The following RORA variants were observed in gnomAD, a reference collection of about 807,000 sequenced individuals.
The protein encoded by RORA is nuclear receptor ROR-alpha.
In RORA, 7 loss-of-function variants were observed where a neutral mutation model predicts 69.5. The ratio of observed to expected loss-of-function variants is 0.10; its 90% CI spans 0.06 to 0.19. The LOEUF is 0.19. RORA is among the 10% of genes least tolerant of loss of function. The pLI is 1.00. For synonymous variants in RORA, 261 were observed against 240.8 expected, an observed-to-expected ratio of 1.08 and a Z score of -0.78; for missense variants, 457 against 663.0, an observed-to-expected ratio of 0.69 and a Z score of 3.41.
At chr15:60,625,906 A>G (rs760872261) in intron 2 of RORA, among the ~76,000 whole-genome samples, 1 of 152,220 alleles carries the variant, frequency 6.6e-6, no homozygotes, top group Non-Finnish European at 1.5e-5. Flanking sequence ...AAAACAAAAT[A>G]ATGCTAATGG....
chr15:60,660,502 G>A (rs2070287870), intron 2 of RORA, among the ~76,000 whole-genome samples: 3 of 152,186 alleles, frequency 2.0e-5, no homozygotes, highest in Non-Finnish European at 4.4e-5. Context: ...AGCACAGATA[G>A]TATTTTCAGT....
At chr15:60,769,006 GAAACTTCGGTCAACATCCTAATCAGGC>G (rs1413148656) in intron 1 of RORA, among the ~76,000 whole-genome samples, 1 of 152,156 alleles carries the variant, frequency 6.6e-6, no homozygotes, top group African/African-American at 2.4e-5. Flanking sequence ...CACAGCTTGT[GAAACTTCGGTCAACATCCTAATCAGGC>G]AACTAATGCC....
intron 1 of RORA, among the ~76,000 whole-genome samples, chr15:60,826,617 A>C (rs752084457): frequency 2.3e-4 from 35 of 151,926 alleles, no homozygotes; most frequent in Non-Finnish European, 4.7e-4. Context: ...CTCATTTGAC[A>C]AAAGTGCCAA....
intron 1 of RORA, among the ~76,000 whole-genome samples, chr15:60,939,446 G>T (rs955449274): frequency 6.6e-6 from 1 of 152,174 alleles, no homozygotes; most frequent in Non-Finnish European, 1.5e-5. Context: ...GGACGCACGT[G>T]CTCACTTGCA....
chr15:60,725,978 G>A (rs556436401), intron 1 of RORA, among the ~76,000 whole-genome samples: 2 of 152,144 alleles, frequency 1.3e-5, no homozygotes, highest in East Asian at 1.9e-4. Context: ...GTGGTTTGGG[G>A]GGCACACAAC....
At chr15:60,922,826 C>G (rs146625645) in intron 1 of RORA, among the ~76,000 whole-genome samples, 1 of 152,180 alleles carries the variant, frequency 6.6e-6, no homozygotes, top group Non-Finnish European at 1.5e-5. Context: ...TGGTTGCTGT[C>G]ACTGTCAAAA....
intron 1 of RORA, among the ~76,000 whole-genome samples, chr15:60,830,009 A>G (rs1417203179): frequency 6.6e-6 from 1 of 152,226 alleles, no homozygotes; most frequent in Non-Finnish European, 1.5e-5. Context: ...TAAATGAACA[A>G]ACAACTTTAA....
At chr15:60,732,327 G>T (rs916825489) in intron 1 of RORA, among the ~76,000 whole-genome samples, 5 of 152,200 alleles carry the variant, frequency 3.3e-5, no homozygotes, top group Admixed American at 3.3e-4. Context: ...AAAGGTAGGT[G>T]CGGGTGAGCC....
At chr15:61,133,402 C>T (rs561365169) in intron 1 of RORA, among the ~76,000 whole-genome samples, 42 of 152,206 alleles carry the variant, frequency 2.8e-4, no homozygotes, top group Admixed American at 3.9e-4. Flanking sequence ...TTACCCTTTC[C>T]GCAAGGTTAC....
chr15:60,995,903 T>C lies in RORA; in HGVS notation c.166+233150A>G, dbSNP rs117363776. 4.2e-3 allele frequency among the ~76,000 whole-genome samples: 645 copies of C among 152,348 alleles called. 3 individuals are homozygous for C. Among genetic ancestry groups the C allele is most frequent in the Admixed American group, 5.0e-3 (77 of 15,308 alleles). The stretch of plus-strand genomic sequence containing the variant: ...GTCAAGTTCAAGGGGAAAATCGTTT[T>C]CTTGCAGGTAGCTGTGAAAGTTCCT... On this transcript the variant is annotated intron_variant, in intron 1 of 10. Transcript: ENST00000335670.
chr15:61,084,383 C>A (rs985700004), intron 1 of RORA, among the ~76,000 whole-genome samples: 8 of 152,114 alleles, frequency 5.3e-5, no homozygotes, highest in African/African-American at 1.9e-4. Context: ...AATTGCATAC[C>A]CTCTCTAGGA....
At chr15:60,806,945 A>C (rs1218031112) in intron 1 of RORA, among the ~76,000 whole-genome samples, 1 of 152,190 alleles carries the variant, frequency 6.6e-6, no homozygotes, top group African/African-American at 2.4e-5. Flanking sequence ...ACAAACCCAC[A>C]GCCAACATTA....
At chr15:61,047,016 C>T (rs1897062378) in intron 1 of RORA, among the ~76,000 whole-genome samples, 1 of 152,232 alleles carries the variant, frequency 6.6e-6, no homozygotes, top group African/African-American at 2.4e-5. Flanking sequence ...GGCAGCTCTA[C>T]CTAGTCCTTC....
At chr15:60,651,400 A>G (rs909437246) in intron 2 of RORA, among the ~76,000 whole-genome samples, 5 of 152,100 alleles carry the variant, frequency 3.3e-5, no homozygotes, top group African/African-American at 1.2e-4. Flanking sequence ...GAGTATTCCT[A>G]TTTACATATG....
At chr15:60,526,418 G>A (rs184243749) in intron 3 of RORA, among the ~76,000 whole-genome samples, 295 of 152,292 alleles carry the variant, frequency 1.9e-3, no homozygotes, top group Middle Eastern at 3.4e-3. Flanking sequence ...ACATGGCTTC[G>A]AGCCAGGCGT....
intron 1 of RORA, among the ~76,000 whole-genome samples, chr15:60,768,823 T>C (rs533918879): frequency 6.6e-6 from 1 of 152,322 alleles, no homozygotes; most frequent in African/African-American, 2.4e-5. Flanking sequence ...AGGAGCTGAC[T>C]TTGGCAATGA....
chr15:60,489,333 A>G lies in RORA; in HGVS notation c.*8122T>C, dbSNP rs1350327977. 2.0e-5 allele frequency: 3 copies of G among 152,230 alleles called. No homozygotes were observed. The highest frequency in any genetic ancestry group is 4.4e-5 in the Non-Finnish European group (3 of 68,034). The allele number at this position is 152,230 out of a possible 1,614,324, so 9.4% of individuals were successfully genotyped here. A position where few individuals can be genotyped will look rare whatever the true frequency, so the allele number is the denominator to read the frequency against. On this transcript the variant is annotated 3_prime_UTR_variant, in exon 11 of 11. Coordinates refer to ENST00000335670, the MANE Select transcript of RORA (RefSeq NM_134261.3). ...TAAATATTGCAGTGCATGGAAGCCA[A>G]TAATCATGGCTTGAGAATTTATCAC...
At chr15:60,683,381 C>A (rs956775008) in intron 1 of RORA, among the ~76,000 whole-genome samples, 2 of 152,136 alleles carry the variant, frequency 1.3e-5, no homozygotes, top group Non-Finnish European at 2.9e-5. Flanking sequence ...AGCTATCAAG[C>A]CAAACCACAT....
chr15:61,095,767 GT>G (rs2078780403), intron 1 of RORA, among the ~76,000 whole-genome samples: 1 of 152,202 alleles, frequency 6.6e-6, no homozygotes, highest in Non-Finnish European at 1.5e-5. Context: ...GGACCCCAAG[GT>G]CCATGATTTT....
Sources: gnomAD v4.1 joint callset for allele counts (sites outside exome capture counted in the v4.1 genomes callset) on GRCh38, gnomAD v4.1.1 for gene constraint, MANE v1.5 for transcripts, NCBI Gene and HGNC (gene_info 2026-07-23, HGNC 2026-07-21) for gene names.